The following HYCC1 variants were observed in gnomAD, a reference collection of about 807,000 sequenced individuals.
The protein encoded by HYCC1 is hyccin.
chr7:22,947,121 T>C, the HYCC1 span: 5 of 1,550,508 alleles, frequency 3.2e-6, no homozygotes, highest in East Asian at 1.2e-4. Flanking sequence ...ATGCTGAGCA[T>C]CAATCTCTCC....
the HYCC1 span, among the ~76,000 whole-genome samples, chr7:23,006,173 C>T: frequency 6.6e-6 from 1 of 152,098 alleles, no homozygotes; most frequent in Admixed American, 6.5e-5. Context: ...AAAACCCTAA[C>T]TGAATTAATT....
the HYCC1 span, chr7:22,945,618 T>A: frequency 6.2e-7 from 1 of 1,612,142 alleles, no homozygotes; most frequent in Non-Finnish European, 8.5e-7. Flanking sequence ...ATGCTAATAC[T>A]AGGAGGTCTC....
chr7:22,965,143 AAAAAG>A, the HYCC1 span, among the ~76,000 whole-genome samples: 9 of 151,460 alleles, frequency 5.9e-5, no homozygotes, highest in South Asian at 2.1e-4. Context: ...AAAAAAAAAA[AAAAAG>A]AAAGAAAGAA....
chr7:22,985,597 C>T, the HYCC1 span: 1 of 151,586 alleles, frequency 6.6e-6, no homozygotes, highest in Non-Finnish European at 1.5e-5. Context: ...ACAATTCTCC[C>T]GACGGGGGAA....
the HYCC1 span, among the ~76,000 whole-genome samples, chr7:23,012,911 A>C: frequency 6.6e-6 from 1 of 152,140 alleles, no homozygotes; most frequent in East Asian, 1.9e-4. Flanking sequence ...TAATTTGCAA[A>C]AGGTCAGCTT....
At chr7:23,000,365 T>A in the HYCC1 span, among the ~76,000 whole-genome samples, 2 of 152,100 alleles carry the variant, frequency 1.3e-5, no homozygotes, top group East Asian at 1.9e-4. Flanking sequence ...TATATTTATA[T>A]AGATAGGTAC....
the HYCC1 span, among the ~76,000 whole-genome samples, chr7:22,964,109 C>CAA: frequency 4.6e-4 from 66 of 142,660 alleles, no homozygotes; most frequent in East Asian, 1.2e-3. Flanking sequence ...GAAATTATAG[C>CAA]AAAAAAAAAA....
the HYCC1 span, among the ~76,000 whole-genome samples, chr7:22,906,906 G>A: frequency 6.6e-6 from 1 of 151,722 alleles, no homozygotes; most frequent in African/African-American, 2.4e-5. Flanking sequence ...GCCCAAGATT[G>A]GAAGCACTCA....
chr7:22,910,989 A>G, the HYCC1 span, among the ~76,000 whole-genome samples: 4 of 152,030 alleles, frequency 2.6e-5, no homozygotes. Flanking sequence ...ATCTTTTCGG[A>G]CTTGTGCATT....
the HYCC1 span, among the ~76,000 whole-genome samples, chr7:22,913,008 C>T: frequency 1.3e-5 from 2 of 151,930 alleles, no homozygotes; most frequent in African/African-American, 2.4e-5. Flanking sequence ...CTTGTAATCC[C>T]AGCTACTTGG....
the HYCC1 span, among the ~76,000 whole-genome samples, chr7:22,957,217 T>C: frequency 6.6e-6 from 1 of 151,544 alleles, no homozygotes; most frequent in South Asian, 2.1e-4. Flanking sequence ...GGCTGTGTAA[T>C]AATTTTTGGT....
At chr7:22,964,045 G>C in the HYCC1 span, among the ~76,000 whole-genome samples, 1 of 151,498 alleles carries the variant, frequency 6.6e-6, no homozygotes, top group African/African-American at 2.4e-5. Flanking sequence ...TTTTTTAAGA[G>C]CTAAAGTTTC....
chr7:22,958,496 G>C, the HYCC1 span, among the ~76,000 whole-genome samples: 1 of 152,104 alleles, frequency 6.6e-6, no homozygotes, highest in African/African-American at 2.4e-5. Context: ...AAGGGGTACA[G>C]GTGATAAGAA....
At chr7:22,986,610 G>A in the HYCC1 span, among the ~76,000 whole-genome samples, 7 of 152,140 alleles carry the variant, frequency 4.6e-5, no homozygotes, top group Non-Finnish European at 1.0e-4. Flanking sequence ...CATTTTGGGA[G>A]CCTGAGGCAG....
At chr7:23,005,242 C>T in the HYCC1 span, among the ~76,000 whole-genome samples, 4 of 152,182 alleles carry the variant, frequency 2.6e-5, no homozygotes, top group Non-Finnish European at 5.9e-5. Context: ...TCCAAAAAAC[C>T]CGGGCCAATT....
the HYCC1 span, among the ~76,000 whole-genome samples, chr7:22,917,494 T>C: frequency 6.6e-6 from 1 of 152,178 alleles, no homozygotes; most frequent in African/African-American, 2.4e-5. Flanking sequence ...TGTCCAGGAC[T>C]GGCAAATTGA....
chr7:22,985,879 T>C, the HYCC1 span: 1 of 149,676 alleles, frequency 6.7e-6, no homozygotes, highest in African/African-American at 2.4e-5. Context: ...ATGTCTAACA[T>C]ATGTAACTAT....
At chr7:22,925,903 A>G in the HYCC1 span, among the ~76,000 whole-genome samples, 5 of 152,186 alleles carry the variant, frequency 3.3e-5, no homozygotes, top group East Asian at 9.6e-4. Flanking sequence ...AGTTGAAATG[A>G]AGGAAAAAAT....
At chr7:22,995,913 A>G in the HYCC1 span, among the ~76,000 whole-genome samples, 6 of 152,230 alleles carry the variant, frequency 3.9e-5, no homozygotes, top group African/African-American at 1.4e-4. Context: ...GTGAATATCA[A>G]GTACCATTCA....
Sources: allele counts gnomAD v4.1 joint callset (sites outside exome capture counted in the v4.1 genomes callset), GRCh38; gene constraint gnomAD v4.1.1; transcripts MANE v1.5; gene names NCBI Gene and HGNC (gene_info 2026-07-23, HGNC 2026-07-21).